Variants in MERTK observed in about 807,000 individuals in gnomAD.
MERTK encodes tyrosine-protein kinase Mer.
A neutral mutation model predicts 99.3 loss-of-function variants in MERTK; 69 were observed. The ratio of observed to expected loss-of-function variants is 0.70; its 90% CI spans 0.57 to 0.85. The LOEUF is 0.85. Ranked by LOEUF, MERTK falls within the 40% of genes least tolerant of loss-of-function variation. The probability of loss-of-function intolerance (pLI) is 0.00; values close to 1 mark genes in which losing one functional copy is unlikely to be tolerated. For missense variants in MERTK, 1,125 were observed against 1,249.4 expected, an observed-to-expected ratio of 0.90 and a Z score of 1.50; for synonymous variants, 426 against 467.6, an observed-to-expected ratio of 0.91 and a Z score of 1.15.
intron 4 of MERTK, among the ~76,000 whole-genome samples, chr2:111,962,180 CA>C (rs1339169542): frequency 6.6e-6 from 1 of 152,188 alleles, no homozygotes; most frequent in Non-Finnish European, 1.5e-5. Flanking sequence ...GATTCAACTA[CA>C]TAGTAAATAC....
At position 111,929,406 on chromosome 2, in the gene MERTK, A is replaced by G. The variant is rs775979143; in HGVS notation, c.348A>G (p.Ser116=). ...SEHKGVKFNC[S]ISVPNIYQDT... ...ATAAAGGTGTCAAATTTAATTGCTCAATCAGTGTACCTAATATATACCAGG... is the reference window on the plus strand; with the variant it reads ...ATAAAGGTGTCAAATTTAATTGCTCGATCAGTGTACCTAATATATACCAGG... Residue 116 remains serine, a synonymous_variant, in exon 2 of 19, where the codon TCA becomes TCG. Coordinates refer to ENST00000295408, the MANE Select transcript of MERTK (RefSeq NM_006343.3). 1 of 1,614,150 alleles carries G rather than the reference A, an allele frequency of 6.2e-7. No homozygotes were observed. The highest frequency in any genetic ancestry group is 2.2e-5 in the East Asian group (1 of 44,882).
rs146415883 is a variant in MERTK at position 112,000,908 on chromosome 2, TATACTC to T, written c.1605-289_1605-284del. 6.4e-3 allele frequency among the ~76,000 whole-genome samples: 975 copies of T among 152,346 alleles called. 12 individuals carry two copies. The highest frequency in any genetic ancestry group is 0.023 in the African/African-American group (940 of 41,574). On this transcript the variant is annotated intron_variant, in intron 10 of 18. Coordinates refer to ENST00000295408, the MANE Select transcript of MERTK (RefSeq NM_006343.3). Reference sequence around the variant, plus strand: ...AGTATAGACTTATGGATATTCATTTTATACTCATAGTCTAGTATTACTTTAGTTTCT... The same window carrying T: ...AGTATAGACTTATGGATATTCATTTTATAGTCTAGTATTACTTTAGTTTCT...
At chr2:111,926,467 G>A (rs774328040) in intron 1 of MERTK, among the ~76,000 whole-genome samples, 6 of 152,068 alleles carry the variant, frequency 3.9e-5, no homozygotes, top group Admixed American at 6.6e-5. Flanking sequence ...GGTGGCTCAC[G>A]CCTGTAATCC....
At chr2:111,972,028 ATTTG>A (rs967477075) in intron 6 of MERTK, among the ~76,000 whole-genome samples, 19 of 151,882 alleles carry the variant, frequency 1.3e-4, no homozygotes, top group African/African-American at 3.6e-4. Context: ...ACATTTATTT[ATTTG>A]TTTGTTTGTT....
At chr2:111,921,331 C>A (rs1197836857) in intron 1 of MERTK, among the ~76,000 whole-genome samples, 1 of 152,060 alleles carries the variant, frequency 6.6e-6, no homozygotes, top group African/African-American at 2.4e-5. Context: ...GAAACTCGGT[C>A]TTTACTAAAA....
chr2:112,019,991 T>C (rs938097525), intron 16 of MERTK, among the ~76,000 whole-genome samples: 9 of 152,374 alleles, frequency 5.9e-5, no homozygotes, highest in African/African-American at 1.9e-4. Context: ...ACAAGAAATG[T>C]GGACTTAGGT....
chr2:111,909,346 C>G (rs1322797013), intron 1 of MERTK, among the ~76,000 whole-genome samples: 1 of 152,104 alleles, frequency 6.6e-6, no homozygotes, highest in Non-Finnish European at 1.5e-5. Context: ...TTGCCCAGGC[C>G]TTTCCTGGGC....
chr2:112,023,908 C>T (rs1677411291), intron 18 of MERTK, among the ~76,000 whole-genome samples: 2 of 152,142 alleles, frequency 1.3e-5, no homozygotes, highest in African/African-American at 4.8e-5. Context: ...CAGACACACA[C>T]ACACACGCCC....
rs1180258202 is a variant in MERTK, at chr2:111,980,714, G to A, written c.1145-2128G>A. Among the ~76,000 whole-genome samples, 4 of 152,170 alleles carry A rather than the reference G, an allele frequency of 2.6e-5. 1 individual carries two copies. The South Asian group carries it at 6.2e-4, about 24-fold the overall frequency. ...ATTACAGGCGTGACCCACTGCGCCCGGCAGAGACACAACTATTTGTTAATC... is the reference window on the plus strand; with the variant it reads ...ATTACAGGCGTGACCCACTGCGCCCAGCAGAGACACAACTATTTGTTAATC... On this transcript the variant is annotated intron_variant, in intron 7 of 18. Transcript: ENST00000295408.
At position 112,021,438 on chromosome 2, in the gene MERTK, ACTGT is replaced by A. The variant is rs1487540503; in HGVS notation, c.2211_2214del (p.Cys738LeufsTer31). 3 of 1,613,394 alleles carry A rather than the reference ACTGT, an allele frequency of 1.9e-6. No homozygotes were observed. Among genetic ancestry groups the A allele is most frequent in the East Asian group, 2.2e-5 (1 of 44,878 alleles). On this transcript the variant is annotated frameshift_variant, in exon 17 of 19. Transcript: ENST00000295408. LOFTEE classifies it high-confidence loss of function. ...TCTCTGTAGGTTGCGAGATGACATG[ACTGT>A]CTGTGTTGCGGACTTCGGCCTCTCT...
rs751795763 is a variant in MERTK, at chr2:111,945,026, G to C, written c.549G>C (p.Glu183Asp). 1 of 1,613,640 alleles carries C rather than the reference G, an allele frequency of 6.2e-7. No homozygotes were observed. The highest frequency in any genetic ancestry group is 1.7e-5 in the Admixed American group (1 of 60,026). ...YICKMKINNE[E>D]IVSDPIYIEV... ...GTAAGATGAAAATAAACAATGAAGA[G>C]ATCGTGTCTGATCCCATCTACATCG... The change falls in exon 3 of 19, where the codon GAG becomes GAC. Residue 183 changes from glutamate (E) to aspartate (D), a missense_variant. Glu to Asp is a conservative substitution (Grantham distance 45). Transcript: ENST00000295408.
intron 5 of MERTK, among the ~76,000 whole-genome samples, chr2:111,965,684 CT>C (rs1344554643): frequency 6.6e-6 from 1 of 152,108 alleles, no homozygotes; most frequent in Non-Finnish European, 1.5e-5. Flanking sequence ...ATGGGGCTTT[CT>C]TGGGGCATGA....
chr2:111,909,832 A>G (rs1684208403), intron 1 of MERTK, among the ~76,000 whole-genome samples: 1 of 152,196 alleles, frequency 6.6e-6, no homozygotes, highest in African/African-American at 2.4e-5. Context: ...CCCAACCCTC[A>G]GTTCGGTCCG....
intron 2 of MERTK, among the ~76,000 whole-genome samples, chr2:111,944,681 A>G (rs1684931515): frequency 6.6e-6 from 1 of 152,064 alleles, no homozygotes; most frequent in Non-Finnish European, 1.5e-5. Flanking sequence ...TTTTTCTTAT[A>G]AGGCCTTCAA....
At chr2:111,934,280 T>A (rs1485740062) in intron 2 of MERTK, among the ~76,000 whole-genome samples, 1 of 152,224 alleles carries the variant, frequency 6.6e-6, no homozygotes, top group Non-Finnish European at 1.5e-5. Context: ...TGGTTCTAGA[T>A]CCTTGAGGAA....
chr2:111,941,482 C>T (rs1241822880), intron 2 of MERTK, among the ~76,000 whole-genome samples: 2 of 152,300 alleles, frequency 1.3e-5, no homozygotes, highest in East Asian at 3.9e-4. Context: ...CGCATCCACT[C>T]TCCGCGTTTC....
At position 112,004,000 on chromosome 2, in the gene MERTK, T is replaced by C; in HGVS notation, c.1867+16T>C. 6.3e-7 allele frequency: 1 copy of C among 1,597,854 alleles called. No homozygotes were observed. Among genetic ancestry groups the C allele is most frequent in the South Asian group, 1.1e-5 (1 of 90,736 alleles). ...ACCATGAAGTGTGAGTTATCAGTGATGAATCCCATTCTTCTAGGGTGGGCA... is the reference window on the plus strand; with the variant it reads ...ACCATGAAGTGTGAGTTATCAGTGACGAATCCCATTCTTCTAGGGTGGGCA... On this transcript the variant is annotated intron_variant, in intron 13 of 18. Coordinates refer to ENST00000295408, the MANE Select transcript of MERTK (RefSeq NM_006343.3).
intron 8 of MERTK, among the ~76,000 whole-genome samples, chr2:111,993,188 C>T (rs1409354180): frequency 6.6e-6 from 1 of 152,126 alleles, no homozygotes; most frequent in Non-Finnish European, 1.5e-5. Context: ...GGGGGCATTT[C>T]TGGGCCATGA....
At chr2:111,904,379 C>CT (rs11464692) in intron 1 of MERTK, among the ~76,000 whole-genome samples, 32,953 of 144,108 alleles carry the variant, frequency 0.23, 3,987 homozygotes, top group Middle Eastern at 0.35. Context: ...CCAGAAAATT[C>CT]TTTTTTTTTT....
Sources: gnomAD v4.1 joint callset for allele counts (sites outside exome capture counted in the v4.1 genomes callset) on GRCh38, gnomAD v4.1.1 for gene constraint, MANE v1.5 for transcripts, NCBI Gene and HGNC (gene_info 2026-07-23, HGNC 2026-07-21) for gene names.